CFDP1: variants seen among roughly 807,000 people sequenced by gnomAD.
CFDP1 encodes the protein chromatin remodeling protein CFDP1.
In CFDP1, 31 loss-of-function variants were observed where a neutral mutation model predicts 40.1. That is an observed-to-expected ratio of 0.77 (90% CI 0.58 to 1.04). The LOEUF is 1.04. Ranked by LOEUF, CFDP1 falls within the 50% of genes least tolerant of loss-of-function variation. The probability of loss-of-function intolerance (pLI) is 0.00; values close to 1 mark genes in which losing one functional copy is unlikely to be tolerated. For synonymous variants in CFDP1, 167 were observed against 120.0 expected (o/e 1.39, Z -2.56); for missense variants, 423 against 343.4 (o/e 1.23, Z -1.83).
chr16:75,349,635 A>C (rs2078594505), intron 5 of CFDP1, among the ~76,000 whole-genome samples: 1 of 127,172 alleles, frequency 7.9e-6, no homozygotes, highest in Non-Finnish European at 1.6e-5. Flanking sequence ...TGGGCGACAG[A>C]GCGAGACTCC....
intron 1 of CFDP1, 83 bp downstream of exon 1, chr16:75,433,206 C>G: frequency 7.3e-7 from 1 of 1,369,826 alleles, no homozygotes; most frequent in Non-Finnish European, 1.0e-6. Context: ...GGCCACAGGG[C>G]AGACGCCCGC....
intron 5 of CFDP1, among the ~76,000 whole-genome samples, chr16:75,359,337 G>A (rs1261375859): frequency 2.6e-5 from 4 of 152,152 alleles, no homozygotes; most frequent in South Asian, 4.1e-4. Flanking sequence ...AGAGTAACAT[G>A]CACACGAGCC....
At chr16:75,308,553 T>G (rs1207256128) in intron 5 of CFDP1, among the ~76,000 whole-genome samples, 1 of 152,248 alleles carries the variant, frequency 6.6e-6, no homozygotes, top group Non-Finnish European at 1.5e-5. Context: ...CAGTGAGCAC[T>G]CAATTAAGTC....
At chr16:75,414,734 GT>G (rs751813863) in intron 1 of CFDP1, 39 bp from the exon 2 acceptor site, 3 of 1,320,964 alleles carry the variant, frequency 2.3e-6, no homozygotes, top group Non-Finnish European at 3.3e-6. Flanking sequence ...AGGAATAAAG[GT>G]TTTCACATCA....
chr16:75,349,524 A>T (rs1195204657), intron 5 of CFDP1, among the ~76,000 whole-genome samples: 1 of 149,618 alleles, frequency 6.7e-6, no homozygotes, highest in East Asian at 2.0e-4. Flanking sequence ...AAGAAAAAAA[A>T]GAAATATAGT....
At chr16:75,373,254 C>G (rs539485744) in intron 5 of CFDP1, among the ~76,000 whole-genome samples, 1 of 152,344 alleles carries the variant, frequency 6.6e-6, no homozygotes, top group South Asian at 2.1e-4. Context: ...CTTACACACA[C>G]AGATGTTAAA....
In CFDP1 at chr16:75,325,413, C is replaced by G. The variant is rs554154090; in HGVS notation, c.651-20231G>C. The stretch of plus-strand genomic sequence containing the variant: ...CCTCTTTCAAGTCTGGTCAAATCTC[C>G]ATTTCTCAATGAGGCTTATGCTGAT... On this transcript the variant is annotated intron_variant, in intron 5 of 6. Transcript: ENST00000283882. Among the ~76,000 whole-genome samples the G allele has an allele frequency of 2.0e-5, 3 of 152,320 alleles. No homozygotes were observed. In the South Asian group the frequency reaches 6.2e-4, roughly 32 times the overall value.
At chr16:75,423,354 T>G (rs1453770901) in intron 1 of CFDP1, among the ~76,000 whole-genome samples, 3 of 149,216 alleles carry the variant, frequency 2.0e-5, no homozygotes, top group African/African-American at 4.9e-5. Context: ...GAGGCTGAGG[T>G]GGGAGGATCA....
chr16:75,374,950 G>C (rs969183999), intron 5 of CFDP1, among the ~76,000 whole-genome samples: 3 of 151,916 alleles, frequency 2.0e-5, no homozygotes, highest in Admixed American at 6.6e-5. Context: ...CTGAACAGTG[G>C]AGACCTTACA....
In CFDP1 at chr16:75,426,654, C is replaced by A. The variant is rs969734284; in HGVS notation, c.64+6635G>T. Among the ~76,000 whole-genome samples the A allele has an allele frequency of 5.9e-5, 9 of 151,444 alleles. No individual in the cohort carries two copies. In the East Asian group the frequency reaches 1.8e-3, roughly 30 times the overall value. On this transcript the variant is annotated intron_variant, in intron 1 of 6. Transcript: ENST00000283882. ...TCGTGCCACTGCATTCCAGCCTGGG[C>A]AACAGAGCAAGACTCTGTTTCAAAA...
At chr16:75,388,519 G>C (rs1010979721) in intron 5 of CFDP1, among the ~76,000 whole-genome samples, 1 of 152,186 alleles carries the variant, frequency 6.6e-6, no homozygotes, top group Non-Finnish European at 1.5e-5. Flanking sequence ...GACCACAAAA[G>C]GGCAAACCCC....
At chr16:75,332,006 T>C (rs2078449451) in intron 5 of CFDP1, among the ~76,000 whole-genome samples, 1 of 152,226 alleles carries the variant, frequency 6.6e-6, no homozygotes, top group Non-Finnish European at 1.5e-5. Context: ...TTCATTTTAG[T>C]CTTTTCAGGA....
chr16:75,319,442 T>C (rs2078347149), intron 5 of CFDP1, among the ~76,000 whole-genome samples: 1 of 152,090 alleles, frequency 6.6e-6, no homozygotes, highest in Non-Finnish European at 1.5e-5. Flanking sequence ...AAGTTACATC[T>C]GGGGTTGGGG....
intron 6 of CFDP1, among the ~76,000 whole-genome samples, chr16:75,298,757 A>G (rs11149813): frequency 0.72 from 108,950 of 152,068 alleles, 39,669 homozygotes; most frequent in Admixed American, 0.79. Flanking sequence ...CTGGAAGGGC[A>G]GTTTCTAATT....
At chr16:75,350,266 T>C (rs374175683) in intron 5 of CFDP1, among the ~76,000 whole-genome samples, 1 of 152,294 alleles carries the variant, frequency 6.6e-6, no homozygotes, top group East Asian at 1.9e-4. Flanking sequence ...CACAGAATTG[T>C]TAGGTTGTAT....
intron 1 of CFDP1, among the ~76,000 whole-genome samples, chr16:75,416,902 T>C (rs1401399476): frequency 3.3e-5 from 5 of 152,102 alleles, no homozygotes; most frequent in African/African-American, 9.7e-5. Flanking sequence ...AAGGGCTAAG[T>C]GACAGTGTTT....
intron 5 of CFDP1, among the ~76,000 whole-genome samples, chr16:75,388,768 T>C (rs538812990): frequency 9.1e-4 from 139 of 152,326 alleles, no homozygotes; most frequent in African/African-American, 3.0e-3. Context: ...TCTGGCAAAC[T>C]ACAATGGTCA....
At chr16:75,337,757 G>A (rs1249555818) in intron 5 of CFDP1, among the ~76,000 whole-genome samples, 1 of 152,070 alleles carries the variant, frequency 6.6e-6, no homozygotes, top group Non-Finnish European at 1.5e-5. Flanking sequence ...CAGCAAGGGG[G>A]AAGTCCATGC....
At chr16:75,362,644 C>T (rs2078687485) in intron 5 of CFDP1, among the ~76,000 whole-genome samples, 1 of 152,134 alleles carries the variant, frequency 6.6e-6, no homozygotes, top group Non-Finnish European at 1.5e-5. Flanking sequence ...CTACTCTTTC[C>T]TCTTCCATTC....
Sources: allele counts gnomAD v4.1 joint callset (sites outside exome capture counted in the v4.1 genomes callset), GRCh38; gene constraint gnomAD v4.1.1; transcripts MANE v1.5; gene names NCBI Gene and HGNC (gene_info 2026-07-23, HGNC 2026-07-21).